The following DIP2C variants were observed in gnomAD, a reference collection of about 807,000 sequenced individuals.
The protein encoded by DIP2C is DIP2 acetate--CoA ligase C (putative), also known as disco-interacting protein 2 homolog C.
A neutral mutation model predicts 192.4 loss-of-function variants in DIP2C; 33 were observed. The ratio of observed to expected loss-of-function variants is 0.17; its 90% CI spans 0.13 to 0.23. The LOEUF (loss-of-function observed/expected upper bound fraction) is 0.23. Ranked by LOEUF, DIP2C falls within the 10% of genes least tolerant of loss-of-function variation. The probability of loss-of-function intolerance (pLI) is 1.00; values close to 1 mark genes in which losing one functional copy is unlikely to be tolerated. For synonymous variants in DIP2C, 979 were observed against 864.1 expected, an observed-to-expected ratio of 1.13 and a Z score of -2.33; for missense variants, 1,537 against 2,110.1, an observed-to-expected ratio of 0.73 and a Z score of 5.32.
At chr10:385,170 C>G (rs10904085) in intron 14 of DIP2C, among the ~76,000 whole-genome samples, 1 of 151,370 alleles carries the variant, frequency 6.6e-6, no homozygotes, top group Non-Finnish European at 1.5e-5. Flanking sequence ...ATCAGCAGCT[C>G]TCAGGGAGCA....
At chr10:637,778 C>A (rs1854920176) in intron 1 of DIP2C, among the ~76,000 whole-genome samples, 1 of 152,206 alleles carries the variant, frequency 6.6e-6, no homozygotes, top group Non-Finnish European at 1.5e-5. Context: ...TCAATCCACA[C>A]AGTTCTCCCA....
At chr10:491,012 A>C (rs1844401754) in intron 1 of DIP2C, among the ~76,000 whole-genome samples, 2 of 152,220 alleles carry the variant, frequency 1.3e-5, no homozygotes, top group South Asian at 4.1e-4. Flanking sequence ...CCAATCTTAC[A>C]AAAGCAGGGA....
At chr10:434,057 G>A (rs1039369705) in intron 4 of DIP2C, among the ~76,000 whole-genome samples, 3 of 151,904 alleles carry the variant, frequency 2.0e-5, no homozygotes, top group East Asian at 1.9e-4. Context: ...ACTGCTTTCT[G>A]GATAATGCAA....
At chr10:580,757 G>A (rs971588848) in intron 1 of DIP2C, among the ~76,000 whole-genome samples, 33 of 152,034 alleles carry the variant, frequency 2.2e-4, no homozygotes, top group African/African-American at 7.0e-4. Context: ...TGTAATAGAA[G>A]TCATACAAAG....
intron 1 of DIP2C, among the ~76,000 whole-genome samples, chr10:653,323 C>T (rs2132024829): frequency 6.6e-6 from 1 of 152,204 alleles, no homozygotes; most frequent in Middle Eastern, 3.4e-3. Flanking sequence ...TGGCGGGTGC[C>T]TGTAATCCCA....
chr10:511,653 G>C (rs1360606991), intron 1 of DIP2C, among the ~76,000 whole-genome samples: 2 of 151,750 alleles, frequency 1.3e-5, no homozygotes, highest in African/African-American at 4.8e-5. Flanking sequence ...CCACAAGTCA[G>C]TCACCCCTCC....
chr10:579,777 T>C (rs1215221969), intron 1 of DIP2C, among the ~76,000 whole-genome samples: 2 of 151,932 alleles, frequency 1.3e-5, no homozygotes, highest in Non-Finnish European at 1.5e-5. Context: ...AGCATACACA[T>C]CCATATCCAT....
chr10:663,146 T>G, intron 1 of DIP2C: 1 of 489,378 alleles, frequency 2.0e-6, no homozygotes, highest in African/African-American at 1.9e-5. Context: ...TCAGCATGGG[T>G]GAGTTTCTGT....
intron 1 of DIP2C, among the ~76,000 whole-genome samples, chr10:498,820 G>A (rs778706218): frequency 1.3e-4 from 20 of 152,194 alleles, no homozygotes; most frequent in Non-Finnish European, 2.8e-4. Flanking sequence ...CTACTGCTGT[G>A]TGGGCGAATT....
chr10:411,459 T>C (rs1965180684), intron 8 of DIP2C, among the ~76,000 whole-genome samples: 1 of 152,214 alleles, frequency 6.6e-6, no homozygotes, highest in Non-Finnish European at 1.5e-5. Context: ...ACCTACACTT[T>C]CTGTTACTGA....
intron 1 of DIP2C, among the ~76,000 whole-genome samples, chr10:553,667 T>C (rs1848695407): frequency 1.3e-5 from 2 of 152,206 alleles, no homozygotes; most frequent in South Asian, 4.1e-4. Flanking sequence ...AGAAAAGGTA[T>C]ATAGCTTGTA....
intron 5 of DIP2C, 51 bp from the exon 6 acceptor site, chr10:419,250 G>A (rs1966010133): frequency 6.2e-7 from 1 of 1,611,658 alleles, no homozygotes; most frequent in Admixed American, 1.7e-5. Context: ...TGTTTGCTCT[G>A]AAGGTGGAAC....
At chr10:641,234 G>A (rs1322757584) in intron 1 of DIP2C, among the ~76,000 whole-genome samples, 4 of 152,116 alleles carry the variant, frequency 2.6e-5, no homozygotes. Context: ...ACCCCTAGGT[G>A]AGTCTGTGAC....
intron 1 of DIP2C, among the ~76,000 whole-genome samples, chr10:513,371 TTGTC>T (rs1443767507): frequency 2.6e-5 from 4 of 152,250 alleles, no homozygotes; most frequent in Non-Finnish European, 4.4e-5. Context: ...TTAAAATTGT[TTGTC>T]GCGTGTTTCC....
chr10:588,157 G>C (rs368023812), intron 1 of DIP2C, among the ~76,000 whole-genome samples: 776 of 42,852 alleles, frequency 0.018, 2 homozygotes, highest in African/African-American at 0.067. Context: ...TCCACACCAG[G>C]CACTGCCTCA....
intron 1 of DIP2C, among the ~76,000 whole-genome samples, chr10:619,002 T>G (rs751599072): frequency 6.6e-6 from 1 of 152,258 alleles, no homozygotes; most frequent in Non-Finnish European, 1.5e-5. Context: ...CAGCCCTCAC[T>G]GTGTTCTGAC....
At chr10:278,743 G>C (rs1233392350) in intron 36 of DIP2C, among the ~76,000 whole-genome samples, 1 of 152,210 alleles carries the variant, frequency 6.6e-6, no homozygotes, top group African/African-American at 2.4e-5. Flanking sequence ...GATTAAGTCT[G>C]CCCAACTGGC....
intron 1 of DIP2C, among the ~76,000 whole-genome samples, chr10:539,815 C>T (rs558231842): frequency 2.0e-5 from 3 of 152,138 alleles, no homozygotes; most frequent in African/African-American, 7.2e-5. Context: ...AGTGAAATAA[C>T]AGTTTTCAAA....
At chr10:532,169 C>T (rs1288168918) in intron 1 of DIP2C, among the ~76,000 whole-genome samples, 2 of 152,168 alleles carry the variant, frequency 1.3e-5, no homozygotes, top group Admixed American at 6.5e-5. Flanking sequence ...GAGTAAGAGC[C>T]TGTGGATTTG....
Sources: gnomAD v4.1 joint callset for allele counts (sites outside exome capture counted in the v4.1 genomes callset) on GRCh38, gnomAD v4.1.1 for gene constraint, MANE v1.5 for transcripts, NCBI Gene and HGNC (gene_info 2026-07-23, HGNC 2026-07-21) for gene names.